PARL: variants seen among roughly 807,000 people sequenced by gnomAD.
PARL encodes presenilin associated rhomboid like, also known as presenilin-associated rhomboid-like protein, mitochondrial.
Under a neutral mutation model 51.6 loss-of-function variants are expected in PARL, and 44 were observed. The observed-to-expected ratio is 0.85, with a 90% CI of 0.67 to 1.10. The LOEUF (loss-of-function observed/expected upper bound fraction) is 1.10. Among genes scored for constraint, PARL ranks in the 50% least tolerant of loss-of-function variants. PARL has a pLI of 0.00. For missense variants in PARL, 441 were observed against 469.5 expected, an observed-to-expected ratio of 0.94 and a Z score of 0.56; for synonymous variants, 172 against 164.0, an observed-to-expected ratio of 1.05 and a Z score of -0.37.
intron 4 of PARL, 164 bp from the exon 5 acceptor site, chr3:183,844,490 A>G (rs1019378329): frequency 1.1e-5 from 7 of 615,312 alleles, no homozygotes; most frequent in African/African-American, 1.1e-4. Flanking sequence ...ATGCTTTTAA[A>G]GTATCAGCAC....
chr3:183,860,940 G>C (rs1201118844), intron 4 of PARL, among the ~76,000 whole-genome samples: 4 of 150,900 alleles, frequency 2.7e-5, no homozygotes, highest in Non-Finnish European at 5.9e-5. Context: ...AGCCTCCCTA[G>C]TAGCTGGGAT....
At position 183,882,204 on chromosome 3, in the gene PARL, T is replaced by TAAAAA. The variant is rs1209073220; in HGVS notation, c.125+2513_125+2517dup. On this transcript the variant is annotated intron_variant, in intron 1 of 9. Coordinates refer to ENST00000317096, the MANE Select transcript of PARL (RefSeq NM_018622.7). ...GGGAAACAGAGCAAGACAATGTCTC[T>TAAAAA]AAAAAAAAAAAAAAAAAAATATATA... Among the ~76,000 whole-genome samples the TAAAAA allele has an allele frequency of 9.6e-4, 59 of 61,436 alleles. 4 individuals are homozygous for TAAAAA. The East Asian group carries it at 0.015, about 15-fold the overall frequency. 40.3% of individuals were successfully genotyped at this position (61,436 alleles called of 152,430 possible). A position where few individuals can be genotyped will look rare whatever the true frequency, so the allele number is the denominator to read the frequency against.
intron 1 of PARL, among the ~76,000 whole-genome samples, chr3:183,871,202 G>C (rs1043037605): frequency 5.9e-5 from 9 of 152,118 alleles, no homozygotes; most frequent in African/African-American, 1.9e-4. Flanking sequence ...TATACTCAAA[G>C]TAAGGTAGTA....
chr3:183,846,982 G>C (rs1049786774), intron 4 of PARL, among the ~76,000 whole-genome samples: 1 of 152,214 alleles, frequency 6.6e-6, no homozygotes, highest in Non-Finnish European at 1.5e-5. Flanking sequence ...TGGGTAGCCA[G>C]GAGGATTTAT....
intron 1 of PARL, among the ~76,000 whole-genome samples, 158 bp downstream of exon 1, chr3:183,884,564 G>A (rs1405765461): frequency 1.3e-5 from 2 of 152,210 alleles, no homozygotes; most frequent in African/African-American, 4.8e-5. Context: ...GAGAAGCGAG[G>A]ACTGGACGGA....
intron 1 of PARL, among the ~76,000 whole-genome samples, chr3:183,869,995 G>A (rs1467167796): frequency 1.3e-5 from 2 of 151,532 alleles, no homozygotes; most frequent in African/African-American, 2.4e-5. Context: ...TCTAGGCTGG[G>A]GGCCGGGCAC....
intron 1 of PARL, among the ~76,000 whole-genome samples, chr3:183,874,425 T>TC (rs1733559406): frequency 6.6e-6 from 1 of 151,692 alleles, no homozygotes; most frequent in Non-Finnish European, 1.5e-5. Flanking sequence ...TTTTTTTTTT[T>TC]TGAGATGGAG....
chr3:183,832,222 CTTT>C (rs879877473), intron 9 of PARL, among the ~76,000 whole-genome samples: 7 of 142,822 alleles, frequency 4.9e-5, no homozygotes, highest in African/African-American at 5.1e-5. Context: ...ATAGATTTTT[CTTT>C]TTTTTTTTTT....
chr3:183,847,135 T>C (rs1420509380), intron 4 of PARL, among the ~76,000 whole-genome samples: 1 of 152,246 alleles, frequency 6.6e-6, no homozygotes, highest in African/African-American at 2.4e-5. Context: ...TACTGCATTT[T>C]GGCTAAAAGT....
intron 1 of PARL, among the ~76,000 whole-genome samples, chr3:183,881,446 C>T (rs904287064): frequency 6.6e-5 from 10 of 152,146 alleles, no homozygotes; most frequent in Non-Finnish European, 1.5e-5. Context: ...AAGAGTGCAA[C>T]GGTAAAGACA....
chr3:183,882,414 TATAGAGAG>T (rs1400176667), intron 1 of PARL, among the ~76,000 whole-genome samples: 5 of 137,212 alleles, frequency 3.6e-5, no homozygotes, highest in Admixed American at 2.2e-4. Context: ...CACACATATA[TATAGAGAG>T]AGAGAGAGAG....
intron 9 of PARL, among the ~76,000 whole-genome samples, chr3:183,832,083 T>C (rs1468462997): frequency 1.3e-5 from 2 of 152,220 alleles, no homozygotes; most frequent in Non-Finnish European, 2.9e-5. Flanking sequence ...TTCTACTATT[T>C]ATACTGCACT....
intron 4 of PARL, among the ~76,000 whole-genome samples, chr3:183,857,582 A>T (rs1206133657): frequency 2.0e-5 from 3 of 152,258 alleles, no homozygotes; most frequent in Non-Finnish European, 4.4e-5. Flanking sequence ...AGAACACACA[A>T]GTAACTAAAC....
At chr3:183,853,109 A>G (rs994444685) in intron 4 of PARL, among the ~76,000 whole-genome samples, 1 of 152,226 alleles carries the variant, frequency 6.6e-6, no homozygotes, top group Non-Finnish European at 1.5e-5. Flanking sequence ...CACAGGCAAC[A>G]AAAGAAAAAA....
rs140374255 is a variant in PARL at position 183,849,179 on chromosome 3, G to A, written c.512-4853C>T. 6.1e-4 allele frequency among the ~76,000 whole-genome samples: 93 copies of A among 152,132 alleles called. 1 individual carries two copies. In the East Asian group the frequency reaches 0.016, roughly 27 times the overall value. The stretch of plus-strand genomic sequence containing the variant: ...AAAGACTTCAGCAGCTCTATAAAAC[G>A]ACTAGACCTAACAGACATCTATAGA... On this transcript the variant is annotated intron_variant, in intron 4 of 9. Coordinates refer to ENST00000317096, the MANE Select transcript of PARL (RefSeq NM_018622.7).
intron 1 of PARL, among the ~76,000 whole-genome samples, chr3:183,883,391 C>G (rs1734775691): frequency 6.6e-6 from 1 of 152,274 alleles, no homozygotes; most frequent in Non-Finnish European, 1.5e-5. Flanking sequence ...GCCTCAGGCT[C>G]CCGAGTAGCT....
At chr3:183,858,252 A>C (rs764179785) in intron 4 of PARL, among the ~76,000 whole-genome samples, 2 of 152,244 alleles carry the variant, frequency 1.3e-5, no homozygotes, top group Non-Finnish European at 2.9e-5. Context: ...TACCAGCAAC[A>C]TCAGGAATAG....
chr3:183,844,289 C>G lies in PARL; in HGVS notation c.549G>C (p.Trp183Cys). Residue 183 changes from tryptophan to cysteine, a missense_variant, in exon 5 of 10, where the codon TGG (tryptophan) becomes TGC (cysteine). Trp to Cys is a radical substitution (Grantham distance 215). Coordinates refer to ENST00000317096, the MANE Select transcript of PARL (RefSeq NM_018622.7). ...TTGTCCGCTGCAGAGAAGGTACTCT[C>G]CATAAACAGAATACAAGGACATTTG... The part of the protein sequence containing the change: ...IAANVLVFCL[W>C]RVPSLQRTMI... 2 of 1,608,202 alleles carry G rather than the reference C, an allele frequency of 1.2e-6. No homozygotes were observed. The highest frequency in any genetic ancestry group is 1.7e-6 in the Non-Finnish European group (2 of 1,175,030).
At chr3:183,847,030 A>G (rs1177063738) in intron 4 of PARL, among the ~76,000 whole-genome samples, 2 of 152,208 alleles carry the variant, frequency 1.3e-5, no homozygotes, top group South Asian at 2.1e-4. Flanking sequence ...GACACCACAT[A>G]AAAACGGCTT....
Sources: allele counts gnomAD v4.1 joint callset (sites outside exome capture counted in the v4.1 genomes callset), GRCh38; gene constraint gnomAD v4.1.1; transcripts MANE v1.5; gene names NCBI Gene and HGNC (gene_info 2026-07-23, HGNC 2026-07-21).